The following DTL variants were observed in gnomAD, a reference collection of about 807,000 sequenced individuals.
DTL encodes the protein denticleless protein homolog.
DTL carries 46 observed loss-of-function variants against 87.0 expected under a neutral mutation model. That is an observed-to-expected ratio of 0.53 (90% CI 0.42 to 0.68). The LOEUF is 0.68. DTL is among the 30% of genes least tolerant of loss of function. DTL has a pLI of 0.00. For synonymous variants in DTL, 308 were observed against 311.2 expected, an observed-to-expected ratio of 0.99 and a Z score of 0.11; for missense variants, 737 against 869.4, an observed-to-expected ratio of 0.85 and a Z score of 1.91.
intron 5 of DTL, 129 bp downstream of exon 5, chr1:212,047,546 T>C (rs113464995): frequency 0.02 from 26,183 of 1,286,214 alleles, 353 homozygotes; most frequent in African/African-American, 0.045. Context: ...TTAAGATTCT[T>C]TTTTTGGAGA....
rs182203786 is a variant in DTL at position 212,083,601 on chromosome 1, A to G, written c.1261+2851A>G. Among the ~76,000 whole-genome samples, 76 of 152,344 alleles carry G rather than the reference A, an allele frequency of 5.0e-4. 1 individual carries two copies. The highest frequency in any genetic ancestry group is 4.6e-3 in the Admixed American group (71 of 15,306). On this transcript the variant is annotated intron_variant, in intron 13 of 14. Coordinates refer to ENST00000366991, the MANE Select transcript of DTL (RefSeq NM_016448.4). ...TAAGGTAAAGAATAAGTGGCTTAGG[A>G]GAGTGAAAGGACAAGATTATAGAAG...
chr1:212,097,315 C>CT (rs1160434041), intron 13 of DTL, among the ~76,000 whole-genome samples: 1 of 152,054 alleles, frequency 6.6e-6, no homozygotes, highest in South Asian at 2.1e-4. Flanking sequence ...AGCCTGATGA[C>CT]TGTGTGTCTA....
At chr1:212,065,267 T>C (rs1022695985) in intron 7 of DTL, among the ~76,000 whole-genome samples, 5 of 152,236 alleles carry the variant, frequency 3.3e-5, no homozygotes, top group African/African-American at 1.2e-4. Flanking sequence ...CGTTGATAAA[T>C]ATCTTTAAAT....
At chr1:212,044,780 T>C in intron 3 of DTL, 22 bp downstream of exon 3, 1 of 1,494,128 alleles carries the variant, frequency 6.7e-7, no homozygotes, top group Non-Finnish European at 9.2e-7. Flanking sequence ...TCTACAATTT[T>C]TGTTTTAACA....
chr1:212,050,189 C>CAATCGATCTATCTAT (rs1667924796), intron 5 of DTL, among the ~76,000 whole-genome samples: 1 of 152,036 alleles, frequency 6.6e-6, no homozygotes, highest in Non-Finnish European at 1.5e-5. Context: ...TTAATTAAAT[C>CAATCGATCTATCTAT]AATCGATCTA....
intron 13 of DTL, among the ~76,000 whole-genome samples, chr1:212,091,290 A>G (rs1483000834): frequency 6.6e-6 from 1 of 152,226 alleles, no homozygotes; most frequent in Non-Finnish European, 1.5e-5. Flanking sequence ...TTTATCAAAA[A>G]GACAAAATGT....
intron 13 of DTL, among the ~76,000 whole-genome samples, chr1:212,087,177 A>G (rs1376508163): frequency 6.6e-6 from 1 of 152,236 alleles, no homozygotes; most frequent in Non-Finnish European, 1.5e-5. Flanking sequence ...TTGTAGAACC[A>G]GAGTCTATAA....
At chr1:212,044,601 T>TG in intron 2 of DTL, 59 bp from the exon 3 acceptor site, 3 of 926,246 alleles carry the variant, frequency 3.2e-6, no homozygotes, top group Non-Finnish European at 3.3e-6. Flanking sequence ...AGACTCCGTC[T>TG]GAAAAAAAAA....
chr1:212,083,667 T>A (rs546014756), intron 13 of DTL, among the ~76,000 whole-genome samples: 3 of 152,192 alleles, frequency 2.0e-5, no homozygotes, highest in African/African-American at 7.2e-5. Flanking sequence ...ATTGGAAAGA[T>A]CATGTACATA....
chr1:212,097,074 AAG>A (rs2102585264), intron 13 of DTL, among the ~76,000 whole-genome samples: 1 of 152,328 alleles, frequency 6.6e-6, no homozygotes, highest in South Asian at 2.1e-4. Flanking sequence ...GCGTTTGAAA[AAG>A]ACTTTCATCT....
At chr1:212,099,033 G>C (rs1237378831) in intron 13 of DTL, among the ~76,000 whole-genome samples, 5 of 152,132 alleles carry the variant, frequency 3.3e-5, no homozygotes, top group Non-Finnish European at 7.4e-5. Context: ...CCTCTCCAAA[G>C]ACCCCTGTGA....
rs779473558 is a variant in DTL at position 212,062,963 on chromosome 1, ATT to A, written c.526+17_526+18del. ...GCAACAAAAAAGGTTATCTAGATCT[ATT>A]TTAATTTTGAGAGATTTGGGATTAC... On this transcript the variant is annotated intron_variant, in intron 6 of 14. Coordinates refer to ENST00000366991, the MANE Select transcript of DTL (RefSeq NM_016448.4). 2 of 1,600,836 alleles carry A rather than the reference ATT, an allele frequency of 1.2e-6. No individual in the cohort carries two copies. The highest frequency in any genetic ancestry group is 1.3e-5 in the African/African-American group (1 of 74,680).
chr1:212,081,201 AGGTGACCAG>A (rs1488064472), intron 13 of DTL, among the ~76,000 whole-genome samples: 1 of 152,212 alleles, frequency 6.6e-6, no homozygotes, highest in South Asian at 2.1e-4. Context: ...ATTTTATATT[AGGTGACCAG>A]GGGGGCCTCA....
chr1:212,056,535 A>T (rs555841572), intron 5 of DTL, among the ~76,000 whole-genome samples: 3 of 152,328 alleles, frequency 2.0e-5, no homozygotes, highest in African/African-American at 7.2e-5. Context: ...GGAAAAAGCA[A>T]CTGTTACACC....
chr1:212,089,632 A>AT (rs1655227305), intron 13 of DTL, among the ~76,000 whole-genome samples: 1 of 152,240 alleles, frequency 6.6e-6, no homozygotes, highest in African/African-American at 2.4e-5. Context: ...TTTAAAAAAC[A>AT]TATACACACA....
intron 5 of DTL, among the ~76,000 whole-genome samples, chr1:212,059,779 C>CAAAAAAAAAAAA (rs58890148): frequency 1.2e-5 from 1 of 80,224 alleles, no homozygotes; most frequent in Non-Finnish European, 2.5e-5. Context: ...AAAGACTCTA[C>CAAAAAAAAAAAA]AAAAAAAAAA....
At chr1:212,066,062 A>G (rs1468692847) in intron 7 of DTL, among the ~76,000 whole-genome samples, 1 of 152,048 alleles carries the variant, frequency 6.6e-6, no homozygotes, top group African/African-American at 2.4e-5. Context: ...ACATAGTACC[A>G]CTCTAATAAC....
At chr1:212,071,313 T>C (rs948783867) in intron 10 of DTL, among the ~76,000 whole-genome samples, 1 of 152,216 alleles carries the variant, frequency 6.6e-6, no homozygotes, top group African/African-American at 2.4e-5. Context: ...GATTTTTCTC[T>C]TGTATTTCCT....
At chr1:212,039,021 A>G (rs1357459250) in intron 1 of DTL, among the ~76,000 whole-genome samples, 1 of 151,930 alleles carries the variant, frequency 6.6e-6, no homozygotes, top group Non-Finnish European at 1.5e-5. Context: ...TTTCCATTTC[A>G]TTTCTCCTAC....
Sources: allele counts gnomAD v4.1 joint callset (sites outside exome capture counted in the v4.1 genomes callset), GRCh38; gene constraint gnomAD v4.1.1; transcripts MANE v1.5; gene names NCBI Gene and HGNC (gene_info 2026-07-23, HGNC 2026-07-21).